The following LLGL2 variants were observed in gnomAD, a reference collection of about 807,000 sequenced individuals.
The protein encoded by LLGL2 is LLGL scribble cell polarity complex component 2.
Under a neutral mutation model 123.2 loss-of-function variants are expected in LLGL2, and 81 were observed. The ratio of observed to expected loss-of-function variants is 0.66; its 90% CI spans 0.55 to 0.79. The LOEUF (loss-of-function observed/expected upper bound fraction) is 0.79, where lower values mean the gene tolerates loss of function less well. LLGL2 is among the 30% of genes least tolerant of loss of function. The pLI is 0.00. For synonymous variants in LLGL2, 577 were observed against 594.1 expected (o/e 0.97, Z 0.42); for missense variants, 1,273 against 1,414.6 (o/e 0.90, Z 1.61).
Position 75,570,496 on chromosome 17 carries a change from G to A in LLGL2, c.2023G>A (p.Glu675Lys). Residue 675 changes from glutamate (E) to lysine (K), a missense_variant and splice_region_variant, in exon 16 of 26, where the codon GAG becomes AAG. Glu to Lys is a moderately conservative substitution (Grantham distance 56). Coordinates refer to ENST00000392550, the MANE Select transcript of LLGL2 (RefSeq NM_001031803.2). The part of the protein sequence containing the change: ...RKRHPAGPPG[E>K]AQEGSAKAER... ...GCGGCACCCGGCTGGCCCCCCAGGA[G>A]AGGTGAGGCCTGAGGTGAGGCTGCG... 1 of 1,570,866 alleles carries A rather than the reference G, an allele frequency of 6.4e-7. No homozygotes were observed. Among genetic ancestry groups the A allele is most frequent in the Non-Finnish European group, 8.6e-7 (1 of 1,159,224 alleles).
At chr17:75,539,114 A>C (rs1156405590) in intron 1 of LLGL2, among the ~76,000 whole-genome samples, 1 of 151,970 alleles carries the variant, frequency 6.6e-6, no homozygotes, top group Non-Finnish European at 1.5e-5. Context: ...GCTAGAGTAC[A>C]GTGGTGGGTT....
At chr17:75,570,606 C>T (rs2147547329) in intron 16 of LLGL2, 108 bp downstream of exon 16, 2 of 1,355,630 alleles carry the variant, frequency 1.5e-6, no homozygotes, top group East Asian at 2.5e-5. Context: ...AGGCTACAAA[C>T]AAGATTCAGG....
At position 75,568,574 on chromosome 17, in the gene LLGL2, C is replaced by T; in HGVS notation, c.1135C>T (p.Leu379=). 1.2e-6 allele frequency: 2 copies of T among 1,613,940 alleles called. No individual in the cohort carries two copies. Among genetic ancestry groups the T allele is most frequent in the South Asian group, 1.1e-5 (1 of 91,082 alleles). ...CTGGCCACCGGTCCAGCTGCCCTAC[C>T]TGGCTTCTCTGCACTGTTCCGCCAT... ...AGWPPVQLPY[L]ASLHCSAITC... The change falls in exon 11 of 26, where the codon CTG becomes TTG. Residue 379 remains leucine (L), a synonymous_variant. Transcript: ENST00000392550.
rs1220968521 is a variant in LLGL2, at chr17:75,574,667, A to C, written c.3054A>C (p.Gly1018=). The change falls in exon 25 of 26, where the codon GGA becomes GGC. Residue 1018 remains glycine, a splice_region_variant and synonymous_variant. Coordinates refer to ENST00000392550, the MANE Select transcript of LLGL2 (RefSeq NM_001031803.2). ...TGGGGTGCAGCCTCAGCAATGGCGG[A>C]GGTGGGGGCTCTGGGCTTGAGTGCA... The part of the protein sequence containing the change: ...AAVGCSLSNG[G]AE 2 of 1,611,160 alleles carry C rather than the reference A, an allele frequency of 1.2e-6. No individual in the cohort carries two copies. The highest frequency in any genetic ancestry group is 4.5e-5 in the East Asian group (2 of 44,826).
In LLGL2 at chr17:75,563,100, G is replaced by A. The variant is rs2055294088; in HGVS notation, c.615G>A (p.Leu205=). 6.2e-7 allele frequency: 1 copy of A among 1,613,262 alleles called. No individual in the cohort carries two copies. The highest frequency in any genetic ancestry group is 8.5e-7 in the Non-Finnish European group (1 of 1,180,038). The change falls in exon 7 of 26, where the codon CTG becomes CTA. Residue 205 remains leucine (L), a synonymous_variant. Coordinates refer to ENST00000392550, the MANE Select transcript of LLGL2 (RefSeq NM_001031803.2). ...ACCCTCGAGACCCCAACCAGATCCT[G>A]ATCGGCTACAGCCGAGGCCTCGTTG... ...QEHPRDPNQI[L]IGYSRGLVVI...
intron 6 of LLGL2, among the ~76,000 whole-genome samples, chr17:75,561,142 G>A (rs2055200463): frequency 6.6e-6 from 1 of 152,132 alleles, no homozygotes; most frequent in South Asian, 2.1e-4. Context: ...CCTTTTGGCA[G>A]TTTAAATTCT....
chr17:75,559,788 G>A lies in LLGL2; in HGVS notation c.530+378G>A, dbSNP rs920185523. ...GGGGCAGCTCCTGGTGCCACCCTTT[G>A]CGGTGGGTACTTTGCTGAGGTTCCA... On this transcript the variant is annotated intron_variant, in intron 6 of 25. Coordinates refer to ENST00000392550, the MANE Select transcript of LLGL2 (RefSeq NM_001031803.2). The surrounding 1 kb of genome is among the most constrained non-coding windows in gnomAD (Gnocchi z 4.6). Among the ~76,000 whole-genome samples the A allele has an allele frequency of 2.6e-4, 40 of 152,202 alleles. 1 individual carries two copies. The highest frequency in any genetic ancestry group is 9.4e-4 in the African/African-American group (39 of 41,444).
intron 2 of LLGL2, among the ~76,000 whole-genome samples, chr17:75,547,653 C>T (rs2054487373): frequency 6.6e-6 from 1 of 152,062 alleles, no homozygotes; most frequent in Non-Finnish European, 1.5e-5. Context: ...GGCGAAACCC[C>T]ATCTCTACTA....
intron 10 of LLGL2, among the ~76,000 whole-genome samples, chr17:75,567,448 G>C (rs1055169026): frequency 6.6e-6 from 1 of 150,388 alleles, no homozygotes; most frequent in Admixed American, 6.7e-5. Context: ...TGGGCAACAA[G>C]AGCGAAACTC....
intron 2 of LLGL2, among the ~76,000 whole-genome samples, chr17:75,546,567 CGG>C (rs2054434681): frequency 1.1e-4 from 6 of 55,504 alleles, no homozygotes; most frequent in Admixed American, 1.4e-4. Flanking sequence ...AGCAGACAGG[CGG>C]AGGGCAGGTC....
At chr17:75,569,929 G>A in intron 14 of LLGL2, 34 bp from the exon 15 acceptor site, 2 of 1,549,816 alleles carry the variant, frequency 1.3e-6, no homozygotes, top group East Asian at 2.3e-5. Flanking sequence ...TCCCTTTGCT[G>A]AGGGCTTGCT....
intron 2 of LLGL2, among the ~76,000 whole-genome samples, chr17:75,547,697 C>T (rs542387447): frequency 2.6e-5 from 4 of 152,056 alleles, no homozygotes; most frequent in East Asian, 1.9e-4. Flanking sequence ...TGGTGGCACA[C>T]GCCTGTAGTC....
Position 75,543,520 on chromosome 17 carries a change from G to T in LLGL2, c.75+19G>T. The T allele has an allele frequency of 6.2e-7, 1 of 1,602,832 alleles. No homozygotes were observed. The highest frequency in any genetic ancestry group is 1.1e-5 in the South Asian group (1 of 89,704). On this transcript the variant is annotated intron_variant, in intron 2 of 25. Coordinates refer to ENST00000392550, the MANE Select transcript of LLGL2 (RefSeq NM_001031803.2). Reference sequence around the variant, plus strand: ...TAACAAGGTAAGTTAGGGAGAGCAGGGAAGATGACCCCCAGGTTTTCGGCC... The same window carrying T: ...TAACAAGGTAAGTTAGGGAGAGCAGTGAAGATGACCCCCAGGTTTTCGGCC...
chr17:75,556,156 C>T lies in LLGL2; in HGVS notation c.173+13C>T. The T allele has an allele frequency of 1.2e-6, 2 of 1,600,664 alleles. No individual in the cohort carries two copies. Among genetic ancestry groups the T allele is most frequent in the Non-Finnish European group, 1.7e-6 (2 of 1,172,882 alleles). ...GAGCCATCAAGCTGTATCCTCCGTCCCCTCGCTCCCACTCGGGCAGGGCCT... is the reference window on the plus strand; with the variant it reads ...GAGCCATCAAGCTGTATCCTCCGTCTCCTCGCTCCCACTCGGGCAGGGCCT... On this transcript the variant is annotated intron_variant, in intron 3 of 25. Transcript: ENST00000392550.
At position 75,568,598 on chromosome 17, in the gene LLGL2, A is replaced by T; in HGVS notation, c.1159A>T (p.Ile387Phe). 6.2e-7 allele frequency: 1 copy of T among 1,613,958 alleles called. No homozygotes were observed. The highest frequency in any genetic ancestry group is 8.5e-7 in the Non-Finnish European group (1 of 1,180,028). Residue 387 changes from isoleucine to phenylalanine, a missense_variant, in exon 11 of 26, where the codon ATC becomes TTC. Coordinates refer to ENST00000392550, the MANE Select transcript of LLGL2 (RefSeq NM_001031803.2). The part of the protein sequence containing the change: ...PYLASLHCSA[I>F]TCSHHVSNIP... Reference sequence around the variant, plus strand: ...CCTGGCTTCTCTGCACTGTTCCGCCATCACCTGCTCTCACCACGTCTCCAA... The same window carrying T: ...CCTGGCTTCTCTGCACTGTTCCGCCTTCACCTGCTCTCACCACGTCTCCAA...
intron 1 of LLGL2, among the ~76,000 whole-genome samples, chr17:75,533,358 G>A (rs1035681233): frequency 7.8e-6 from 1 of 128,626 alleles, no homozygotes; most frequent in African/African-American, 3.0e-5. Context: ...TGGCTGGAGT[G>A]CAGTGGCACG....
chr17:75,564,582 G>A lies in LLGL2; in HGVS notation c.1036+75G>A. ...GGGCAGGACCATCAGTAAAGACAGGGCCAGGTGCAGTGGCTCCTGCCTGTA... is the reference window on the plus strand; with the variant it reads ...GGGCAGGACCATCAGTAAAGACAGGACCAGGTGCAGTGGCTCCTGCCTGTA... On this transcript the variant is annotated intron_variant, in intron 10 of 25. Coordinates refer to ENST00000392550, the MANE Select transcript of LLGL2 (RefSeq NM_001031803.2). The surrounding 1 kb of genome is among the most constrained non-coding windows in gnomAD (Gnocchi z 4.9). The A allele has an allele frequency of 6.3e-7, 1 of 1,586,356 alleles. No individual in the cohort carries two copies. The highest frequency in any genetic ancestry group is 1.3e-5 in the African/African-American group (1 of 74,634).
chr17:75,537,510 A>C (rs1407396887), intron 1 of LLGL2, among the ~76,000 whole-genome samples: 2 of 152,050 alleles, frequency 1.3e-5, no homozygotes, highest in Non-Finnish European at 2.9e-5. Flanking sequence ...CCTGGCCAAT[A>C]TGGTGAAAAC....
Position 75,559,530 on chromosome 17 carries a change from TA to T in LLGL2, c.530+121del, listed in dbSNP as rs1175308370. On this transcript the variant is annotated intron_variant, in intron 6 of 25. Transcript: ENST00000392550. The surrounding 1 kb of genome is among the most constrained non-coding windows in gnomAD (Gnocchi z 4.6). The stretch of plus-strand genomic sequence containing the variant: ...CTCTGCTGGGAATTCCATGGGGCTA[TA>T]GCAGGGGAGGCTCTTGGCTTCCTAC... The T allele has an allele frequency of 3.9e-6, 5 of 1,296,476 alleles. No homozygotes were observed. The African/African-American group carries it at 7.4e-5, about 19-fold the overall frequency. The allele number at this position is 1,296,476 out of a possible 1,614,324, so 80.3% of individuals were successfully genotyped here.
Sources: allele counts gnomAD v4.1 joint callset (sites outside exome capture counted in the v4.1 genomes callset), GRCh38; gene constraint gnomAD v4.1.1; non-coding constraint Gnocchi (gnomAD v3.1); transcripts MANE v1.5; gene names NCBI Gene and HGNC (gene_info 2026-07-23, HGNC 2026-07-21).